SYT6: variants seen among roughly 807,000 people sequenced by gnomAD.
SYT6 encodes the protein synaptotagmin 6, also known as synaptotagmin-6.
SYT6 carries 24 observed loss-of-function variants against 38.4 expected under a neutral mutation model. The ratio of observed to expected loss-of-function variants is 0.62; its 90% CI spans 0.45 to 0.88. The LOEUF (loss-of-function observed/expected upper bound fraction) is 0.88, where lower values mean the gene tolerates loss of function less well. Ranked by LOEUF, SYT6 falls within the 40% of genes least tolerant of loss-of-function variation. The pLI, the probability that SYT6 is intolerant of heterozygous loss-of-function variation, is 0.00. For synonymous variants in SYT6, 265 were observed against 241.9 expected (o/e 1.10, Z -0.89); for missense variants, 611 against 621.0 (o/e 0.98, Z 0.17).
At position 114,092,082 on chromosome 1, in the gene SYT6, A is replaced by G. The variant is rs943732733; in HGVS notation, c.*52T>C. 1.3e-6 allele frequency: 2 copies of G among 1,536,254 alleles called. No individual in the cohort carries two copies. The highest frequency in any genetic ancestry group is 1.4e-5 in the African/African-American group (1 of 73,188). ...TCGAAGCTAGCAGCTCGGCCCTGCCACTGCAAAGAGGAGAACAATCTGTTT... is the reference window on the plus strand; with the variant it reads ...TCGAAGCTAGCAGCTCGGCCCTGCCGCTGCAAAGAGGAGAACAATCTGTTT... On this transcript the variant is annotated splice_region_variant and 3_prime_UTR_variant, in exon 8 of 8. Coordinates refer to ENST00000610222, the MANE Select transcript of SYT6 (RefSeq NM_001253772.2).
intron 1 of SYT6, among the ~76,000 whole-genome samples, chr1:114,146,340 G>A (rs1384006686): frequency 1.3e-5 from 2 of 152,166 alleles, no homozygotes. Flanking sequence ...ATTAGAAAGG[G>A]CTGTAGGCTT....
chr1:114,101,147 C>T (rs111668054), intron 4 of SYT6, among the ~76,000 whole-genome samples: 3 of 152,248 alleles, frequency 2.0e-5, no homozygotes, highest in South Asian at 2.1e-4. Context: ...CTCACCCTCC[C>T]GAGTAGCTGG....
At chr1:114,118,077 G>A (rs1358605940) in intron 3 of SYT6, among the ~76,000 whole-genome samples, 2 of 152,226 alleles carry the variant, frequency 1.3e-5, no homozygotes, top group African/African-American at 4.8e-5. Flanking sequence ...GGAAGGAGAA[G>A]CAAGCGGTGT....
chr1:114,116,360 A>AC (rs1323994278), intron 3 of SYT6, among the ~76,000 whole-genome samples: 1 of 151,964 alleles, frequency 6.6e-6, no homozygotes, highest in African/African-American at 2.4e-5. Context: ...CAGTGGAAGA[A>AC]CCCCGGGCCC....
chr1:114,112,701 G>A (rs116758229), intron 3 of SYT6, among the ~76,000 whole-genome samples: 180 of 152,350 alleles, frequency 1.2e-3, no homozygotes, highest in African/African-American at 4.0e-3. Context: ...CTTCAGATCT[G>A]GTCCTTCCAC....
intron 3 of SYT6, among the ~76,000 whole-genome samples, chr1:114,128,463 A>C (rs1223689992): frequency 6.6e-6 from 1 of 152,196 alleles, no homozygotes; most frequent in East Asian, 1.9e-4. Flanking sequence ...GCCTCTTGGC[A>C]TACTGCCAAA....
chr1:114,110,294 C>A (rs1376049818), intron 3 of SYT6, among the ~76,000 whole-genome samples: 1 of 152,196 alleles, frequency 6.6e-6, no homozygotes, highest in Non-Finnish European at 1.5e-5. Flanking sequence ...AGTCCCAGCC[C>A]TCCAGGAACT....
At chr1:114,146,836 C>T (rs1184130651) in intron 1 of SYT6, among the ~76,000 whole-genome samples, 5 of 152,190 alleles carry the variant, frequency 3.3e-5, no homozygotes, top group Admixed American at 2.6e-4. Flanking sequence ...CACTTCTCAG[C>T]CTCAGTTTCC....
intron 1 of SYT6, among the ~76,000 whole-genome samples, chr1:114,143,400 TAA>T (rs1678976276): frequency 6.7e-6 from 1 of 148,724 alleles, no homozygotes; most frequent in Admixed American, 6.8e-5. Flanking sequence ...TAGTATAGTA[TAA>T]AAGTTATGTG....
At position 114,137,702 on chromosome 1, in the gene SYT6, C is replaced by T. The variant is rs1263275877; in HGVS notation, c.864G>A (p.Lys288=). The change falls in exon 3 of 8, where the codon AAG becomes AAA. Residue 288 remains lysine, a synonymous_variant. Transcript: ENST00000610222. ...TCTCATCAAAGGTGGGGTTCAGGGT[C>T]TTGCGGTGCACCCGGGTCTGCAGCT... ...KCKLQTRVHR[K]TLNPTFDENF... 6.2e-7 allele frequency: 1 copy of T among 1,613,888 alleles called. No individual in the cohort carries two copies. Among genetic ancestry groups the T allele is most frequent in the Non-Finnish European group, 8.5e-7 (1 of 1,179,800 alleles).
intron 1 of SYT6, among the ~76,000 whole-genome samples, chr1:114,145,013 G>C (rs1344420461): frequency 3.9e-5 from 6 of 152,136 alleles, no homozygotes; most frequent in Non-Finnish European, 8.8e-5. Flanking sequence ...GGAGCTGGAG[G>C]TAGTCCTTCA....
intron 3 of SYT6, among the ~76,000 whole-genome samples, chr1:114,128,363 G>A (rs1461688889): frequency 6.6e-6 from 1 of 152,176 alleles, no homozygotes. Flanking sequence ...GGCCTGAATT[G>A]CTCTGAGTTG....
At chr1:114,108,450 C>T (rs1296644652) in intron 3 of SYT6, among the ~76,000 whole-genome samples, 1 of 152,144 alleles carries the variant, frequency 6.6e-6, no homozygotes, top group East Asian at 1.9e-4. Flanking sequence ...ACCCTCTACC[C>T]CCAGTTAGCT....
At chr1:114,105,313 C>A (rs1033162751) in intron 3 of SYT6, among the ~76,000 whole-genome samples, 8 of 150,660 alleles carry the variant, frequency 5.3e-5, no homozygotes, top group African/African-American at 9.8e-5. Flanking sequence ...CCTGTTCCCC[C>A]CCTGGAGAAT....
intron 3 of SYT6, among the ~76,000 whole-genome samples, chr1:114,134,380 A>G (rs1386021786): frequency 6.6e-6 from 1 of 152,202 alleles, no homozygotes; most frequent in African/African-American, 2.4e-5. Flanking sequence ...ACCCATATAT[A>G]GTTTTAATTG....
intron 3 of SYT6, among the ~76,000 whole-genome samples, chr1:114,108,448 C>A (rs111638901): frequency 6.6e-6 from 1 of 152,194 alleles, no homozygotes; most frequent in South Asian, 2.1e-4. Flanking sequence ...AGACCCTCTA[C>A]CCCCAGTTAG....
intron 3 of SYT6, among the ~76,000 whole-genome samples, chr1:114,104,668 C>A (rs1026288645): frequency 6.6e-6 from 1 of 151,762 alleles, no homozygotes; most frequent in Non-Finnish European, 1.5e-5. Flanking sequence ...ATGAGGCCCT[C>A]CATCCATCCA....
chr1:114,120,222 G>A (rs1381611541), intron 3 of SYT6, among the ~76,000 whole-genome samples: 1 of 152,200 alleles, frequency 6.6e-6, no homozygotes, highest in Non-Finnish European at 1.5e-5. Context: ...ACCACACTAT[G>A]ATCTCTCCTT....
intron 3 of SYT6, among the ~76,000 whole-genome samples, chr1:114,125,931 T>A (rs1677702612): frequency 6.6e-6 from 1 of 152,158 alleles, no homozygotes; most frequent in African/African-American, 2.4e-5. Context: ...GGGTCTTTGC[T>A]CTGTGCCCTT....
Sources: gnomAD v4.1 joint callset for allele counts (sites outside exome capture counted in the v4.1 genomes callset) on GRCh38, gnomAD v4.1.1 for gene constraint, MANE v1.5 for transcripts, NCBI Gene and HGNC (gene_info 2026-07-23, HGNC 2026-07-21) for gene names.